Variants in DPP6 observed in about 807,000 individuals in gnomAD.
DPP6 encodes A-type potassium channel modulatory protein DPP6.
A neutral mutation model predicts 122.6 loss-of-function variants in DPP6; 69 were observed. That is an observed-to-expected ratio of 0.56 (90% CI 0.46 to 0.69). The LOEUF is 0.69. Among genes scored for constraint, DPP6 ranks in the 30% least tolerant of loss-of-function variants. DPP6 has a pLI of 0.00. For synonymous variants in DPP6, 418 were observed against 433.1 expected (o/e 0.97, Z 0.43); for missense variants, 928 against 1,116.9 (o/e 0.83, Z 2.41).
At chr7:154,786,938 C>T (rs1390852561) in intron 10 of DPP6, among the ~76,000 whole-genome samples, 1 of 152,162 alleles carries the variant, frequency 6.6e-6, no homozygotes, top group Non-Finnish European at 1.5e-5. Context: ...TGCAAGTGTC[C>T]AGGTTGCTGT....
Position 154,471,281 on chromosome 7 carries a change from T to G in DPP6, c.359-3658T>G, listed in dbSNP as rs143786681. 1.2e-4 allele frequency among the ~76,000 whole-genome samples: 18 copies of G among 152,220 alleles called. No homozygotes were observed. The East Asian group carries it at 3.3e-3, about 28-fold the overall frequency. On this transcript the variant is annotated intron_variant, in intron 2 of 25. Transcript: ENST00000377770. ...ACAAACAAACAAAAGCATAGCTGCT[T>G]CTTTCTCAAAAACAAGAACAGGAGT...
chr7:154,066,320 A>G (rs1414630674), intron 1 of DPP6, among the ~76,000 whole-genome samples: 1 of 152,134 alleles, frequency 6.6e-6, no homozygotes, highest in Non-Finnish European at 1.5e-5. Context: ...TTGGCCTCCC[A>G]AAGTGTTGGG....
intron 1 of DPP6, among the ~76,000 whole-genome samples, chr7:153,898,203 A>G (rs1337961902): frequency 6.6e-6 from 1 of 152,200 alleles, no homozygotes; most frequent in Non-Finnish European, 1.5e-5. Context: ...CTGTAATCTC[A>G]GCACTTTGGG....
At chr7:154,080,634 G>A (rs1803921666) in intron 1 of DPP6, among the ~76,000 whole-genome samples, 1 of 152,152 alleles carries the variant, frequency 6.6e-6, no homozygotes, top group Non-Finnish European at 1.5e-5. Flanking sequence ...CTGTCTTGGT[G>A]CCACCCAAGG....
intron 5 of DPP6, among the ~76,000 whole-genome samples, chr7:154,616,607 G>C (rs1834277237): frequency 6.6e-6 from 1 of 152,154 alleles, no homozygotes; most frequent in South Asian, 2.1e-4. Flanking sequence ...AATCCCCAAG[G>C]GGGTCACCAG....
intron 1 of DPP6, among the ~76,000 whole-genome samples, chr7:154,169,183 C>G (rs763853242): frequency 2.6e-5 from 4 of 152,176 alleles, no homozygotes; most frequent in Non-Finnish European, 5.9e-5. Flanking sequence ...AGGAGAGAAG[C>G]TTCCTCTCTT....
At chr7:154,385,938 A>G (rs940235145) in intron 1 of DPP6, among the ~76,000 whole-genome samples, 3 of 152,162 alleles carry the variant, frequency 2.0e-5, no homozygotes, top group Non-Finnish European at 4.4e-5. Context: ...AGCAAGAAGC[A>G]CTATGGAATC....
At chr7:153,983,139 C>T (rs533478553) in intron 1 of DPP6, among the ~76,000 whole-genome samples, 144 of 152,358 alleles carry the variant, frequency 9.5e-4, no homozygotes, top group Middle Eastern at 3.4e-3. Flanking sequence ...GCTGAAGCTG[C>T]GCCCACAGCC....
chr7:154,279,679 C>G (rs1367838568), intron 1 of DPP6, among the ~76,000 whole-genome samples: 1 of 152,146 alleles, frequency 6.6e-6, no homozygotes, highest in African/African-American at 2.4e-5. Context: ...TTGATGTGTC[C>G]CCCAGAAATG....
intron 10 of DPP6, among the ~76,000 whole-genome samples, chr7:154,773,574 C>A (rs529574257): frequency 6.6e-6 from 1 of 152,248 alleles, no homozygotes; most frequent in African/African-American, 2.4e-5. Flanking sequence ...GCTATAACAT[C>A]ATCAGCCTTC....
At chr7:154,508,285 T>G (rs754047922) in intron 3 of DPP6, among the ~76,000 whole-genome samples, 3 of 152,146 alleles carry the variant, frequency 2.0e-5, no homozygotes, top group Non-Finnish European at 4.4e-5. Context: ...CTAATTTGGA[T>G]AGTTTTATTT....
At chr7:154,841,079 G>A (rs1482752008) in intron 16 of DPP6, among the ~76,000 whole-genome samples, 1 of 152,160 alleles carries the variant, frequency 6.6e-6, no homozygotes, top group Non-Finnish European at 1.5e-5. Flanking sequence ...TGCTCGGATC[G>A]AAAGTCATTG....
At chr7:153,757,716 G>A in the DPP6 span, among the ~76,000 whole-genome samples, 1 of 152,190 alleles carries the variant, frequency 6.6e-6, no homozygotes, top group Non-Finnish European at 1.5e-5. Context: ...CTAGCACTTT[G>A]GGAGGCCGAG....
At chr7:153,898,735 T>C (rs1445812160) in intron 1 of DPP6, among the ~76,000 whole-genome samples, 1 of 152,122 alleles carries the variant, frequency 6.6e-6, no homozygotes, top group Non-Finnish European at 1.5e-5. Context: ...CAATAAGCAG[T>C]GTTAATTGGC....
chr7:153,769,836 A>T, the DPP6 span, among the ~76,000 whole-genome samples: 1 of 152,150 alleles, frequency 6.6e-6, no homozygotes, highest in Non-Finnish European at 1.5e-5. Context: ...GTTTGAACAC[A>T]CTTGCTTAGT....
chr7:154,406,462 T>C (rs868002393), intron 1 of DPP6, among the ~76,000 whole-genome samples: 1 of 143,176 alleles, frequency 7.0e-6, no homozygotes, highest in African/African-American at 2.9e-5. Context: ...CACATGCACA[T>C]GCACACGCAC....
chr7:154,300,031 C>G (rs112065306), intron 1 of DPP6, among the ~76,000 whole-genome samples: 3,728 of 152,314 alleles, frequency 0.024, 137 homozygotes, highest in African/African-American at 0.084. Context: ...TCTTCAGTTG[C>G]ACCTGCACAG....
chr7:153,782,209 G>A, the DPP6 span, among the ~76,000 whole-genome samples: 1 of 151,860 alleles, frequency 6.6e-6, no homozygotes, highest in Non-Finnish European at 1.5e-5. Context: ...AAAGGGATCA[G>A]GTCTAGTTAA....
At chr7:153,755,472 A>C in the DPP6 span, among the ~76,000 whole-genome samples, 1 of 146,604 alleles carries the variant, frequency 6.8e-6, no homozygotes, top group East Asian at 2.0e-4. Context: ...TCACTTGTCA[A>C]ATCTGAAAAA....
Sources: allele counts gnomAD v4.1 joint callset (sites outside exome capture counted in the v4.1 genomes callset), GRCh38; gene constraint gnomAD v4.1.1; transcripts MANE v1.5; gene names NCBI Gene and HGNC (gene_info 2026-07-23, HGNC 2026-07-21).